The following SGCZ variants were observed in gnomAD, a reference collection of about 807,000 sequenced individuals.
SGCZ encodes sarcoglycan zeta.
A neutral mutation model predicts 41.3 loss-of-function variants in SGCZ; 40 were observed. The ratio of observed to expected loss-of-function variants is 0.97; its 90% CI spans 0.75 to 1.26. SGCZ has a LOEUF of 1.26. Among genes scored for constraint, SGCZ ranks in the 50% most tolerant of loss-of-function variants. The probability of loss-of-function intolerance (pLI) is 0.00; values close to 1 mark genes in which losing one functional copy is unlikely to be tolerated. For missense variants in SGCZ, 552 were observed against 369.8 expected (o/e 1.49, Z -4.04); for synonymous variants, 206 against 137.5 (o/e 1.50, Z -3.49).
intron 1 of SGCZ, among the ~76,000 whole-genome samples, chr8:14,584,660 C>G (rs921923872): frequency 1.3e-5 from 2 of 151,848 alleles, no homozygotes; most frequent in South Asian, 4.2e-4. Context: ...GCCAAAAGCA[C>G]GCTAAATTTA....
chr8:14,202,481 T>C (rs924452628), intron 4 of SGCZ, among the ~76,000 whole-genome samples: 6 of 152,132 alleles, frequency 3.9e-5, no homozygotes, highest in South Asian at 2.1e-4. Flanking sequence ...CTATTTCATA[T>C]TGGGTTTCAC....
chr8:14,851,305 C>T (rs189797356), intron 1 of SGCZ, among the ~76,000 whole-genome samples: 249 of 126,708 alleles, frequency 2.0e-3, no homozygotes, highest in African/African-American at 6.9e-3. Context: ...GGAGGCAGAG[C>T]TTGCAGTAAG....
chr8:14,906,158 T>C (rs1203925466), intron 1 of SGCZ, among the ~76,000 whole-genome samples: 1 of 152,122 alleles, frequency 6.6e-6, no homozygotes, highest in Admixed American at 6.6e-5. Context: ...ATTAAGAAGA[T>C]TAACTCTCTA....
At chr8:14,485,489 G>C (rs1233032725) in intron 2 of SGCZ, among the ~76,000 whole-genome samples, 4 of 152,078 alleles carry the variant, frequency 2.6e-5, no homozygotes, top group Non-Finnish European at 4.4e-5. Context: ...GCCCACGTCA[G>C]ACTCCCAAAG....
chr8:15,220,305 A>G (rs1310960989), intron 1 of SGCZ, among the ~76,000 whole-genome samples: 4 of 152,162 alleles, frequency 2.6e-5, no homozygotes, highest in Admixed American at 2.6e-4. Context: ...ACTTCCTGCT[A>G]TCTAGTCTTA....
At chr8:15,197,866 T>C (rs888712468) in intron 1 of SGCZ, among the ~76,000 whole-genome samples, 7 of 151,460 alleles carry the variant, frequency 4.6e-5, no homozygotes, top group Non-Finnish European at 1.0e-4. Context: ...CCAATATATT[T>C]ACATTATATG....
intron 1 of SGCZ, among the ~76,000 whole-genome samples, chr8:14,663,198 T>G (rs1015245628): frequency 5.9e-5 from 9 of 152,180 alleles, no homozygotes; most frequent in African/African-American, 2.2e-4. Context: ...AATTCTTAAA[T>G]AGGGACAATT....
intron 2 of SGCZ, among the ~76,000 whole-genome samples, chr8:14,377,596 G>A (rs11989625): frequency 0.045 from 6,746 of 151,582 alleles, 488 homozygotes; most frequent in African/African-American, 0.15. Flanking sequence ...AGTTACATAT[G>A]TATACATGTG....
intron 1 of SGCZ, among the ~76,000 whole-genome samples, chr8:14,916,748 G>A (rs550205227): frequency 2.0e-5 from 3 of 152,160 alleles, no homozygotes; most frequent in African/African-American, 4.8e-5. Context: ...CTGTTATTGT[G>A]TAACTAGTCC....
At chr8:14,675,716 C>T (rs538925181) in intron 1 of SGCZ, among the ~76,000 whole-genome samples, 2 of 152,164 alleles carry the variant, frequency 1.3e-5, no homozygotes, top group African/African-American at 2.4e-5. Context: ...CCTTAAACAC[C>T]TGGAACTCCC....
intron 1 of SGCZ, among the ~76,000 whole-genome samples, chr8:15,006,729 G>GA (rs767170159): frequency 7.2e-5 from 11 of 152,110 alleles, no homozygotes; most frequent in Non-Finnish European, 1.3e-4. Context: ...AAAAAATCTT[G>GA]ACGAGATTAC....
At chr8:15,012,280 T>A (rs889783818) in intron 1 of SGCZ, among the ~76,000 whole-genome samples, 1 of 151,516 alleles carries the variant, frequency 6.6e-6, no homozygotes, top group Admixed American at 6.6e-5. Flanking sequence ...CTGGGCAACA[T>A]AGCAAACCTC....
chr8:14,489,387 A>C (rs183285312), intron 2 of SGCZ, among the ~76,000 whole-genome samples: 1 of 151,902 alleles, frequency 6.6e-6, no homozygotes, highest in Non-Finnish European at 1.5e-5. Flanking sequence ...TCTTAACAAC[A>C]TTATAAATAT....
At chr8:14,962,964 C>T (rs553766848) in intron 1 of SGCZ, among the ~76,000 whole-genome samples, 1 of 152,226 alleles carries the variant, frequency 6.6e-6, no homozygotes, top group East Asian at 1.9e-4. Flanking sequence ...AAGTAGGTCT[C>T]CTCAGGGTTT....
In SGCZ at chr8:14,599,475, T is replaced by A. The variant is rs112293684; in HGVS notation, c.40-44549A>T. On this transcript the variant is annotated intron_variant, in intron 1 of 7. Transcript: ENST00000382080. ...CTCCCATTAATTTCACAAGTGTAAATGTCACTGTGGCTTTTAATCTCTTTA... is the reference window on the plus strand; with the variant it reads ...CTCCCATTAATTTCACAAGTGTAAAAGTCACTGTGGCTTTTAATCTCTTTA... 8.1e-4 allele frequency among the ~76,000 whole-genome samples: 123 copies of A among 152,270 alleles called. 1 individual carries two copies. The highest frequency in any genetic ancestry group is 2.6e-3 in the African/African-American group (110 of 41,554).
chr8:14,686,624 A>G (rs1808620128), intron 1 of SGCZ, among the ~76,000 whole-genome samples: 1 of 152,066 alleles, frequency 6.6e-6, no homozygotes, highest in South Asian at 2.1e-4. Context: ...ATTAAGTAGA[A>G]GCAGGGGTAC....
chr8:14,185,240 A>G (rs1413130459), intron 4 of SGCZ, among the ~76,000 whole-genome samples: 1 of 151,972 alleles, frequency 6.6e-6, no homozygotes, highest in Non-Finnish European at 1.5e-5. Context: ...TCCCTACTAA[A>G]AAGATACAAA....
At chr8:15,229,784 A>T (rs1294454658) in intron 1 of SGCZ, among the ~76,000 whole-genome samples, 1 of 152,210 alleles carries the variant, frequency 6.6e-6, no homozygotes, top group African/African-American at 2.4e-5. Context: ...GTTTCACAAA[A>T]ATGTTCTCAC....
intron 2 of SGCZ, among the ~76,000 whole-genome samples, chr8:14,424,319 C>T (rs749995379): frequency 3.9e-5 from 6 of 152,106 alleles, no homozygotes; most frequent in African/African-American, 7.2e-5. Flanking sequence ...TTGTACAATA[C>T]TCAAGTATTA....
Sources: allele counts gnomAD v4.1 joint callset (sites outside exome capture counted in the v4.1 genomes callset), GRCh38; gene constraint gnomAD v4.1.1; transcripts MANE v1.5; gene names NCBI Gene and HGNC (gene_info 2026-07-23, HGNC 2026-07-21).